ZFHX3: variants seen among roughly 807,000 people sequenced by gnomAD.
The protein encoded by ZFHX3 is zinc finger homeobox 3.
In ZFHX3, 42 loss-of-function variants were observed where a neutral mutation model predicts 279.1. The ratio of observed to expected loss-of-function variants is 0.15; its 90% confidence interval spans 0.12 to 0.19. ZFHX3 has a LOEUF of 0.19. Ranked by LOEUF, ZFHX3 falls within the 10% of genes least tolerant of loss-of-function variation. The pLI is 1.00. For synonymous variants in ZFHX3, 2,293 were observed against 1,957.8 expected, an observed-to-expected ratio of 1.17 and a Z score of -4.52; for missense variants, 4,981 against 4,754.0, an observed-to-expected ratio of 1.05 and a Z score of -1.40.
At chr16:73,698,633 T>A (rs550515334) in intron 1 of ZFHX3, among the ~76,000 whole-genome samples, 1 of 152,238 alleles carries the variant, frequency 6.6e-6, no homozygotes, top group South Asian at 2.1e-4. Flanking sequence ...TACCTCAATG[T>A]AATCATGGGT....
At position 72,788,048 on chromosome 16, in the gene ZFHX3, G is replaced by C; in HGVS notation, c.10228C>G (p.Pro3410Ala). 2 of 1,612,462 alleles carry C rather than the reference G, an allele frequency of 1.2e-6. No homozygotes were observed. The highest frequency in any genetic ancestry group is 8.5e-7 in the Non-Finnish European group (1 of 1,179,888). The change falls in exon 10 of 10, where the codon CCA becomes GCA. Residue 3410 changes from proline to alanine, a missense_variant. By Grantham distance (27) the Pro-to-Ala change is conservative. Coordinates refer to ENST00000268489, the MANE Select transcript of ZFHX3 (RefSeq NM_006885.4). ...GATTCTTTGGCAGGGTCTTTGTCTG[G>C]GGAAGGAGCCCCGGGGGGGACTGGG... ...QTPVPPGAPSPDKDPAKESPK... is the reference protein window; with the variant it reads ...QTPVPPGAPSADKDPAKESPK...
chr16:72,956,595 C>T (rs140848011), intron 2 of ZFHX3, among the ~76,000 whole-genome samples: 1 of 152,310 alleles, frequency 6.6e-6, no homozygotes, highest in African/African-American at 2.4e-5. Context: ...ATTGGTAAGA[C>T]TGGGAGCCTG....
At chr16:73,313,043 G>T (rs935627180) in intron 4 of ZFHX3, among the ~76,000 whole-genome samples, 2 of 152,154 alleles carry the variant, frequency 1.3e-5, no homozygotes, top group African/African-American at 4.8e-5. Flanking sequence ...CGGGCCTGGT[G>T]GGAGGTGACT....
intron 2 of ZFHX3, among the ~76,000 whole-genome samples, chr16:73,589,710 G>A (rs1280378114): frequency 8.9e-6 from 1 of 112,744 alleles, no homozygotes; most frequent in African/African-American, 3.2e-5. Context: ...ATCCAGCCTG[G>A]GTGACAGAGC....
intron 1 of ZFHX3, among the ~76,000 whole-genome samples, chr16:73,683,219 A>C (rs2053045370): frequency 6.6e-6 from 1 of 152,344 alleles, no homozygotes; most frequent in South Asian, 2.1e-4. Flanking sequence ...AACTACCACA[A>C]GTCTTGTGAA....
At chr16:73,121,744 T>G (rs916135347) in intron 7 of ZFHX3, among the ~76,000 whole-genome samples, 4 of 151,792 alleles carry the variant, frequency 2.6e-5, no homozygotes, top group Non-Finnish European at 5.9e-5. Context: ...GCCTCCCAAG[T>G]AGCTGGGACT....
At chr16:73,746,464 T>C (rs1014894654) in intron 1 of ZFHX3, among the ~76,000 whole-genome samples, 1 of 152,210 alleles carries the variant, frequency 6.6e-6, no homozygotes, top group Admixed American at 6.5e-5. Flanking sequence ...AGCACCTTCA[T>C]AGTCTCTTGA....
rs201366558 is a variant in ZFHX3, at chr16:73,296,877, AT to A, written c.-1194+21362del. 1.2e-3 allele frequency among the ~76,000 whole-genome samples: 144 copies of A among 116,074 alleles called. 2 individuals are homozygous for A. Among genetic ancestry groups the A allele is most frequent in the Admixed American group, 1.6e-3 (17 of 10,958 alleles). 76.1% of individuals were successfully genotyped at this position (116,074 alleles called of 152,430 possible). ...TTTATAATTGCCATGTGAAGCAGGA[AT>A]TTTTTTTTTTTTTTTTTTGAGACGG... On this transcript the variant is annotated intron_variant, in intron 4 of 17. Transcript: ENST00000641206.
At chr16:73,008,522 A>G (rs1410873486) in intron 1 of ZFHX3, among the ~76,000 whole-genome samples, 1 of 152,172 alleles carries the variant, frequency 6.6e-6, no homozygotes, top group Non-Finnish European at 1.5e-5. Flanking sequence ...ATCTACAGAC[A>G]CTCCTTGTAG....
intron 1 of ZFHX3, among the ~76,000 whole-genome samples, chr16:73,707,087 G>C (rs1389574025): frequency 2.0e-5 from 3 of 152,266 alleles, no homozygotes; most frequent in South Asian, 2.1e-4. Flanking sequence ...ACTATGTCTT[G>C]AATTCATCAA....
intron 3 of ZFHX3, among the ~76,000 whole-genome samples, chr16:72,911,841 G>C (rs1426054766): frequency 6.6e-6 from 1 of 152,120 alleles, no homozygotes; most frequent in Admixed American, 6.5e-5. Flanking sequence ...ATCACATCTA[G>C]TTACCTGGAT....
chr16:73,367,066 G>A (rs1567462512), intron 3 of ZFHX3, among the ~76,000 whole-genome samples: 1 of 152,126 alleles, frequency 6.6e-6, no homozygotes, highest in South Asian at 2.1e-4. Flanking sequence ...CCCACAGTGA[G>A]TAATTTCCAT....
chr16:73,154,441 A>T (rs757630048), intron 5 of ZFHX3, among the ~76,000 whole-genome samples: 13 of 152,150 alleles, frequency 8.5e-5, no homozygotes, highest in Non-Finnish European at 1.8e-4. Context: ...CCTGTCTGCA[A>T]TAACCAGAGT....
At chr16:73,591,070 TA>T (rs2051989508) in intron 2 of ZFHX3, among the ~76,000 whole-genome samples, 2 of 151,964 alleles carry the variant, frequency 1.3e-5, no homozygotes, top group Non-Finnish European at 2.9e-5. Flanking sequence ...AACTAGAAAA[TA>T]AGCCAAGTGT....
intron 5 of ZFHX3, among the ~76,000 whole-genome samples, chr16:72,819,930 A>G (rs2036737614): frequency 6.6e-6 from 1 of 152,198 alleles, no homozygotes; most frequent in Non-Finnish European, 1.5e-5. Context: ...TGTCCTGGAG[A>G]GCCTCTGTGA....
rs565145570 is a variant in ZFHX3 at position 73,020,195 on chromosome 16, C to T, written c.-50+27557G>A. Among the ~76,000 whole-genome samples the T allele has an allele frequency of 5.3e-5, 8 of 152,220 alleles. No homozygotes were observed. The South Asian group carries it at 1.2e-3, about 24-fold the overall frequency. ...TGCATCAATTACTCTACAGAGGCAC[C>T]GGGAGGCCTGATTTTAATTTTTTAA... On this transcript the variant is annotated intron_variant, in intron 1 of 9. Coordinates refer to ENST00000268489, the MANE Select transcript of ZFHX3 (RefSeq NM_006885.4).
chr16:72,841,354 A>C (rs1209396881), intron 4 of ZFHX3, among the ~76,000 whole-genome samples: 1 of 152,216 alleles, frequency 6.6e-6, no homozygotes, highest in Non-Finnish European at 1.5e-5. Context: ...TACAGAGAAA[A>C]TCCAAAGGTT....
intron 3 of ZFHX3, among the ~76,000 whole-genome samples, chr16:73,330,327 A>T (rs2015776399): frequency 6.6e-6 from 1 of 152,212 alleles, no homozygotes; most frequent in Non-Finnish European, 1.5e-5. Context: ...GAATATAGTT[A>T]TTGGGATGGT....
chr16:73,615,012 G>A (rs181586049), intron 2 of ZFHX3, among the ~76,000 whole-genome samples: 6 of 151,908 alleles, frequency 3.9e-5, no homozygotes, highest in Non-Finnish European at 5.9e-5. Flanking sequence ...CACCCACGTC[G>A]GCCTCCCAAA....
Sources: gnomAD v4.1 joint callset for allele counts (sites outside exome capture counted in the v4.1 genomes callset) on GRCh38, gnomAD v4.1.1 for gene constraint, MANE v1.5 for transcripts, NCBI Gene and HGNC (gene_info 2026-07-23, HGNC 2026-07-21) for gene names.